PTPRD: variants seen among roughly 807,000 people sequenced by gnomAD.
PTPRD encodes the protein protein tyrosine phosphatase receptor type D.
Under a neutral mutation model 214.5 loss-of-function variants are expected in PTPRD, and 34 were observed. The ratio of observed to expected loss-of-function variants is 0.16; its 90% confidence interval spans 0.12 to 0.21. The LOEUF (loss-of-function observed/expected upper bound fraction) is 0.21, where lower values mean the gene tolerates loss of function less well. PTPRD is among the 10% of genes least tolerant of loss of function. The pLI, the probability that PTPRD is intolerant of heterozygous loss-of-function variation, is 1.00. For missense variants in PTPRD, 2,545 were observed against 2,398.7 expected (o/e 1.06, Z -1.27); for synonymous variants, 1,128 against 845.7 (o/e 1.33, Z -5.79).
chr9:9,096,753 G>A (rs1451957239), intron 10 of PTPRD, among the ~76,000 whole-genome samples: 1 of 152,108 alleles, frequency 6.6e-6, no homozygotes, highest in African/African-American at 2.4e-5. Context: ...TAGCAAAAAA[G>A]TATTATGATT....
intron 14 of PTPRD, among the ~76,000 whole-genome samples, chr9:8,533,744 T>G (rs1224652791): frequency 6.6e-6 from 1 of 152,034 alleles, no homozygotes; most frequent in Non-Finnish European, 1.5e-5. Flanking sequence ...GCAGGAGCTA[T>G]TTGTTACTTT....
intron 7 of PTPRD, among the ~76,000 whole-genome samples, chr9:9,604,231 G>A (rs2093995267): frequency 1.3e-5 from 2 of 152,134 alleles, no homozygotes; most frequent in South Asian, 4.1e-4. Context: ...ACATCCTGTA[G>A]AAATGCAGAA....
intron 4 of PTPRD, among the ~76,000 whole-genome samples, chr9:9,947,871 A>T (rs766066203): frequency 6.6e-6 from 1 of 151,058 alleles, no homozygotes; most frequent in Non-Finnish European, 1.5e-5. Flanking sequence ...GACAGTGAAT[A>T]TATCTATTTT....
At chr9:9,868,834 G>C (rs914437427) in intron 5 of PTPRD, among the ~76,000 whole-genome samples, 1 of 151,934 alleles carries the variant, frequency 6.6e-6, no homozygotes, top group African/African-American at 2.4e-5. Flanking sequence ...TACAACACCA[G>C]ATTCTAAAAG....
At chr9:10,584,956 T>G (rs2073421961) in intron 2 of PTPRD, among the ~76,000 whole-genome samples, 1 of 152,114 alleles carries the variant, frequency 6.6e-6, no homozygotes, top group Non-Finnish European at 1.5e-5. Flanking sequence ...AAAAATTGCA[T>G]GATGTGTAAT....
At chr9:8,724,845 G>A (rs2098540433) in intron 12 of PTPRD, among the ~76,000 whole-genome samples, 1 of 152,056 alleles carries the variant, frequency 6.6e-6, no homozygotes, top group Non-Finnish European at 1.5e-5. Flanking sequence ...TGCTGAAGTG[G>A]GAGGATCACC....
At chr9:9,300,368 C>T (rs1954806059) in intron 9 of PTPRD, among the ~76,000 whole-genome samples, 1 of 151,744 alleles carries the variant, frequency 6.6e-6, no homozygotes, top group Admixed American at 6.6e-5. Flanking sequence ...TTTTACACTT[C>T]CTTCCTTGGA....
At chr9:8,724,387 T>C in intron 12 of PTPRD, among the ~76,000 whole-genome samples, 1 of 152,178 alleles carries the variant, frequency 6.6e-6, no homozygotes. Flanking sequence ...TCTAGCCTCC[T>C]TAAACCTCTA....
intron 8 of PTPRD, among the ~76,000 whole-genome samples, chr9:9,519,880 G>T (rs1353237387): frequency 6.6e-6 from 1 of 151,992 alleles, no homozygotes; most frequent in Non-Finnish European, 1.5e-5. Flanking sequence ...AACAGAAAGG[G>T]CTGGAAAAGC....
intron 2 of PTPRD, among the ~76,000 whole-genome samples, chr9:10,600,785 A>G (rs567102785): frequency 1.5e-4 from 23 of 151,898 alleles, no homozygotes; most frequent in African/African-American, 4.8e-4. Flanking sequence ...CATGGTATAT[A>G]TGTTATTAAC....
chr9:8,484,937 C>G (rs986217074), intron 29 of PTPRD, among the ~76,000 whole-genome samples: 1 of 152,150 alleles, frequency 6.6e-6, no homozygotes, highest in African/African-American at 2.4e-5. Context: ...AAATTTCATT[C>G]TCTGGCTGAA....
intron 11 of PTPRD, among the ~76,000 whole-genome samples, chr9:8,833,690 C>G (rs1271796582): frequency 9.1e-6 from 1 of 109,908 alleles, no homozygotes; most frequent in Non-Finnish European, 1.9e-5. Flanking sequence ...ACTCTCTCCT[C>G]TCTCTCTCTC....
chr9:9,806,295 G>C (rs960731651), intron 5 of PTPRD, among the ~76,000 whole-genome samples: 4 of 151,920 alleles, frequency 2.6e-5, no homozygotes, highest in Non-Finnish European at 4.4e-5. Context: ...GCAGTCTCCC[G>C]ATACATAGAA....
intron 14 of PTPRD, among the ~76,000 whole-genome samples, chr9:8,611,733 AAAAAG>A (rs1363557439): frequency 1.5e-4 from 23 of 149,064 alleles, no homozygotes; most frequent in South Asian, 4.2e-4. Flanking sequence ...AGACAAAAGA[AAAAAG>A]AAAAGAAAAG....
chr9:8,705,084 A>C (rs111681318), intron 12 of PTPRD, among the ~76,000 whole-genome samples: 4 of 152,138 alleles, frequency 2.6e-5, no homozygotes, highest in African/African-American at 9.7e-5. Context: ...ATATTACTGC[A>C]ATTTTCAATA....
chr9:10,039,027 T>C (rs1030519953), intron 3 of PTPRD, among the ~76,000 whole-genome samples: 2 of 152,074 alleles, frequency 1.3e-5, no homozygotes, highest in South Asian at 4.1e-4. Flanking sequence ...TGAAAAAAGT[T>C]ACCCTAAATG....
At chr9:10,140,523 C>T (rs2098976621) in intron 3 of PTPRD, among the ~76,000 whole-genome samples, 1 of 152,074 alleles carries the variant, frequency 6.6e-6, no homozygotes, top group South Asian at 2.1e-4. Context: ...TTTCTCGACA[C>T]ATACACTCTC....
At chr9:8,668,846 G>A (rs932191634) in intron 12 of PTPRD, among the ~76,000 whole-genome samples, 1 of 152,148 alleles carries the variant, frequency 6.6e-6, no homozygotes, top group Non-Finnish European at 1.5e-5. Context: ...TATTCCAAAA[G>A]TTAGAGATAG....
At chr9:9,956,094 G>A (rs943171695) in intron 4 of PTPRD, among the ~76,000 whole-genome samples, 9 of 151,970 alleles carry the variant, frequency 5.9e-5, no homozygotes, top group African/African-American at 2.2e-4. Flanking sequence ...TATAGATTTT[G>A]CTCATATTTT....
Sources: gnomAD v4.1 joint callset for allele counts (sites outside exome capture counted in the v4.1 genomes callset) on GRCh38, gnomAD v4.1.1 for gene constraint, MANE v1.5 for transcripts, NCBI Gene and HGNC (gene_info 2026-07-23, HGNC 2026-07-21) for gene names.